SND1: variants seen among roughly 807,000 people sequenced by gnomAD.
The protein encoded by SND1 is staphylococcal nuclease and tudor domain containing 1.
SND1 carries 38 observed loss-of-function variants against 121.7 expected under a neutral mutation model. That is an observed-to-expected ratio of 0.31 (90% CI 0.24 to 0.41). The LOEUF (loss-of-function observed/expected upper bound fraction) is 0.41, where lower values mean the gene tolerates loss of function less well. SND1 is among the 10% of genes least tolerant of loss of function. SND1 has a pLI of 1.00. For missense variants in SND1, 868 were observed against 1,184.6 expected (o/e 0.73, Z 3.92); for synonymous variants, 401 against 447.4 (o/e 0.90, Z 1.31).
intron 10 of SND1, among the ~76,000 whole-genome samples, chr7:127,794,841 C>T (rs1018003081): frequency 6.6e-6 from 1 of 152,214 alleles, no homozygotes; most frequent in Non-Finnish European, 1.5e-5. Context: ...AAAACATGAT[C>T]TGGGGCCAAC....
intron 12 of SND1, among the ~76,000 whole-genome samples, chr7:127,845,010 T>C (rs539246570): frequency 5.6e-4 from 85 of 152,316 alleles, no homozygotes; most frequent in African/African-American, 2.0e-3. Flanking sequence ...AGTCAGCCAG[T>C]CCCCAATAGC....
At chr7:127,898,078 C>T (rs1377411738) in intron 13 of SND1, among the ~76,000 whole-genome samples, 1 of 152,156 alleles carries the variant, frequency 6.6e-6, no homozygotes, top group Non-Finnish European at 1.5e-5. Flanking sequence ...TTCCCCTCAT[C>T]TCTAGCATTG....
intron 15 of SND1, among the ~76,000 whole-genome samples, chr7:127,945,585 G>A (rs375995306): frequency 2.6e-5 from 4 of 152,054 alleles, no homozygotes; most frequent in Non-Finnish European, 2.9e-5. Context: ...AATCACATAC[G>A]GAACCAAACT....
intron 10 of SND1, among the ~76,000 whole-genome samples, chr7:127,737,024 T>C (rs1796788082): frequency 6.6e-6 from 1 of 152,128 alleles, no homozygotes; most frequent in Non-Finnish European, 1.5e-5. Flanking sequence ...AATTGCCCCC[T>C]ATTGTGATAA....
intron 10 of SND1, among the ~76,000 whole-genome samples, chr7:127,762,477 C>A (rs1797321817): frequency 6.6e-6 from 1 of 152,140 alleles, no homozygotes; most frequent in South Asian, 2.1e-4. Flanking sequence ...AGATTAGGAC[C>A]CACTGTAATG....
At position 128,081,357 on chromosome 7, in the gene SND1, C is replaced by T. The variant is rs1408846014; in HGVS notation, c.1969-3C>T. The T allele has an allele frequency of 6.2e-7, 1 of 1,614,004 alleles. No individual in the cohort carries two copies. The highest frequency in any genetic ancestry group is 8.5e-7 in the Non-Finnish European group (1 of 1,179,938). ...TTCTCACCTCTGCCGACTGAACATG[C>T]AGGTCTGGGCCCACTATGAGGAGCA... On this transcript the variant is annotated splice_polypyrimidine_tract_variant and splice_region_variant and intron_variant, in intron 17 of 23. Transcript: ENST00000354725.
intron 15 of SND1, among the ~76,000 whole-genome samples, chr7:127,940,969 G>A (rs1486584088): frequency 6.6e-6 from 1 of 152,214 alleles, no homozygotes; most frequent in African/African-American, 2.4e-5. Flanking sequence ...CATGTATGGG[G>A]GGCTCTGAGG....
At chr7:127,713,803 A>T (rs1348953755) in intron 9 of SND1, among the ~76,000 whole-genome samples, 3 of 152,200 alleles carry the variant, frequency 2.0e-5, no homozygotes, top group Non-Finnish European at 4.4e-5. Flanking sequence ...CTGCTTAAGC[A>T]GTTTTACTTC....
chr7:128,082,060 T>C, intron 18 of SND1: 1 of 486,004 alleles, frequency 2.1e-6, no homozygotes, highest in Admixed American at 2.1e-5. Context: ...AAGGACCTTC[T>C]CCTCCTTCCG....
At chr7:127,727,369 G>T (rs1796600343) in intron 10 of SND1, among the ~76,000 whole-genome samples, 1 of 152,198 alleles carries the variant, frequency 6.6e-6, no homozygotes, top group Non-Finnish European at 1.5e-5. Context: ...TTCATTGTAA[G>T]GGGCTCCGGG....
rs1793605837 is a variant in SND1 at position 128,081,730 on chromosome 7, T to G, written c.2110+229T>G. The G allele has an allele frequency of 4.1e-5, 26 of 630,254 alleles. 1 individual carries two copies. In the South Asian group the frequency reaches 4.2e-4, roughly 10 times the overall value. The allele number at this position is 630,254 out of a possible 1,614,324, so 39.0% of individuals were successfully genotyped here. A position where few individuals can be genotyped will look rare whatever the true frequency, so the allele number is the denominator to read the frequency against. Reference sequence around the variant, plus strand: ...ATGAGCCCTGGCTTGGGCTCAGGCATGGAGGTGCTGCCGGACAGGTCCTCT... The same window carrying G: ...ATGAGCCCTGGCTTGGGCTCAGGCAGGGAGGTGCTGCCGGACAGGTCCTCT... On this transcript the variant is annotated intron_variant, in intron 18 of 23. Coordinates refer to ENST00000354725, the MANE Select transcript of SND1 (RefSeq NM_014390.4).
At chr7:127,812,215 T>C (rs1012832676) in intron 11 of SND1, among the ~76,000 whole-genome samples, 1 of 152,226 alleles carries the variant, frequency 6.6e-6, no homozygotes, top group African/African-American at 2.4e-5. Flanking sequence ...ATTTTTGGAA[T>C]AATGTCTGTT....
rs1793602924 is a variant in SND1, at chr7:128,081,562, G to C, written c.2110+61G>C. 2.5e-6 allele frequency: 4 copies of C among 1,598,612 alleles called. No individual in the cohort carries two copies. The Admixed American group carries it at 6.7e-5, about 27-fold the overall frequency. ...TTGGTCCAGCTGGCGCTGCCTGGGG[G>C]TAGGGGGCCTCTGCCCAGTGGGTGG... On this transcript the variant is annotated intron_variant, in intron 18 of 23. Transcript: ENST00000354725.
rs1224527093 is a variant in SND1, at chr7:127,652,416, G to A, written c.43G>A (p.Ala15Thr). 1 of 1,593,196 alleles carries A rather than the reference G, an allele frequency of 6.3e-7. No homozygotes were observed. Among genetic ancestry groups the A allele is most frequent in the South Asian group, 1.1e-5 (1 of 87,806 alleles). Residue 15 changes from alanine (A) to threonine (T), a missense_variant, in exon 1 of 24, where the codon GCG (alanine) becomes ACG (threonine). By Grantham distance (58) the Ala-to-Thr change is moderately conservative. This residue lies in a region of SND1 where 125 missense variants were observed against 113.3 expected (regional missense o/e 1.10). Coordinates refer to ENST00000354725, the MANE Select transcript of SND1 (RefSeq NM_014390.4). ...GAGCGGCGGCTCCTCCGGGGGACCC[G>A]CGGTCCCCACCGTGCAGCGGGGCAT... ...AQSGGSSGGP[A>T]VPTVQRGIIK...
At chr7:127,668,843 C>T (rs1046341917) in intron 1 of SND1, among the ~76,000 whole-genome samples, 2 of 152,212 alleles carry the variant, frequency 1.3e-5, no homozygotes, top group Non-Finnish European at 2.9e-5. Context: ...CATTTGGATT[C>T]CCCATTTCCA....
chr7:127,734,763 C>G (rs993462364), intron 10 of SND1, among the ~76,000 whole-genome samples: 5 of 152,154 alleles, frequency 3.3e-5, no homozygotes, highest in African/African-American at 1.2e-4. Context: ...TGAGGCCTTA[C>G]AGTAGTCTTC....
At chr7:128,069,574 T>C (rs1000034589) in intron 16 of SND1, among the ~76,000 whole-genome samples, 2 of 152,208 alleles carry the variant, frequency 1.3e-5, no homozygotes, top group African/African-American at 2.4e-5. Flanking sequence ...TCCTTCCCCA[T>C]GGAGCTGACA....
intron 9 of SND1, 91 bp from the exon 10 acceptor site, chr7:127,721,196 A>G (rs922898067): frequency 4.0e-6 from 3 of 754,536 alleles, no homozygotes; most frequent in Admixed American, 4.2e-5. Flanking sequence ...TATTGATCTC[A>G]CTTTCTACCT....
At chr7:128,048,514 T>C (rs925597119) in intron 16 of SND1, among the ~76,000 whole-genome samples, 1 of 152,186 alleles carries the variant, frequency 6.6e-6, no homozygotes, top group Non-Finnish European at 1.5e-5. Context: ...TTACTGTCTT[T>C]GAGTTAAGTG....
Sources: gnomAD v4.1 joint callset for allele counts (sites outside exome capture counted in the v4.1 genomes callset) on GRCh38, gnomAD v4.1.1 for gene constraint, gnomAD v4.1.1 regional missense constraint, MANE v1.5 for transcripts, NCBI Gene and HGNC (gene_info 2026-07-23, HGNC 2026-07-21) for gene names.